Variants in DEPDC1B observed in about 807,000 individuals in gnomAD.
DEPDC1B encodes DEP domain containing 1B.
In DEPDC1B, 51 loss-of-function variants were observed where a neutral mutation model predicts 66.5. That is an observed-to-expected ratio of 0.77 (90% CI 0.61 to 0.97). DEPDC1B has a LOEUF of 0.97. Ranked by LOEUF, DEPDC1B falls within the 50% of genes least tolerant of loss-of-function variation. The pLI is 0.00. For missense variants in DEPDC1B, 552 were observed against 637.1 expected, an observed-to-expected ratio of 0.87 and a Z score of 1.44; for synonymous variants, 226 against 223.6, an observed-to-expected ratio of 1.01 and a Z score of -0.10.
intron 3 of DEPDC1B, among the ~76,000 whole-genome samples, chr5:60,646,470 T>A (rs893103982): frequency 2.6e-5 from 4 of 152,162 alleles, no homozygotes; most frequent in Non-Finnish European, 4.4e-5. Flanking sequence ...AGAAACCTGC[T>A]CAGTCTGAAC....
chr5:60,666,104 G>A (rs558301843), intron 2 of DEPDC1B, among the ~76,000 whole-genome samples: 4 of 152,158 alleles, frequency 2.6e-5, no homozygotes, highest in Admixed American at 6.5e-5. Context: ...TGCCACTGTC[G>A]CAGACTCGCC....
chr5:60,598,695 T>G (rs1752143652), intron 10 of DEPDC1B, among the ~76,000 whole-genome samples: 1 of 152,182 alleles, frequency 6.6e-6, no homozygotes, highest in Non-Finnish European at 1.5e-5. Flanking sequence ...TCTAAACATT[T>G]TACACCTGTG....
intron 2 of DEPDC1B, among the ~76,000 whole-genome samples, chr5:60,679,460 G>A (rs559010166): frequency 6.6e-6 from 1 of 151,796 alleles, no homozygotes; most frequent in East Asian, 1.9e-4. Flanking sequence ...AAGCAAGAAA[G>A]TATGAGAGAA....
intron 9 of DEPDC1B, among the ~76,000 whole-genome samples, chr5:60,602,187 G>A (rs1156273549): frequency 1.3e-5 from 2 of 150,962 alleles, no homozygotes; most frequent in Non-Finnish European, 1.5e-5. Flanking sequence ...AGGGAGGGTG[G>A]GGAGGGAAGA....
At chr5:60,616,496 C>A (rs887396687) in intron 7 of DEPDC1B, among the ~76,000 whole-genome samples, 4 of 152,174 alleles carry the variant, frequency 2.6e-5, no homozygotes, top group African/African-American at 9.7e-5. Flanking sequence ...ATGATGAATG[C>A]ACAAGCCTCA....
chr5:60,650,323 T>G (rs1335202189), intron 2 of DEPDC1B, among the ~76,000 whole-genome samples: 1 of 152,170 alleles, frequency 6.6e-6, no homozygotes, highest in East Asian at 1.9e-4. Flanking sequence ...GCTAACATAA[T>G]ACGGCAATAC....
At chr5:60,639,276 C>T (rs548998789) in intron 6 of DEPDC1B, among the ~76,000 whole-genome samples, 52 of 151,930 alleles carry the variant, frequency 3.4e-4, no homozygotes, top group African/African-American at 1.2e-3. Flanking sequence ...TAAAGTTGAC[C>T]GAGATAACAA....
chr5:60,670,239 C>T (rs7729563), intron 2 of DEPDC1B, among the ~76,000 whole-genome samples: 183 of 152,214 alleles, frequency 1.2e-3, no homozygotes, highest in African/African-American at 4.2e-3. Flanking sequence ...AAAAAATTAG[C>T]CGGGCGTGGT....
chr5:60,664,638 CT>C (rs1753797181), intron 2 of DEPDC1B, among the ~76,000 whole-genome samples: 1 of 152,258 alleles, frequency 6.6e-6, no homozygotes, highest in Non-Finnish European at 1.5e-5. Flanking sequence ...AACTTGTGTA[CT>C]GATGGAAGCT....
chr5:60,638,621 G>T, intron 7 of DEPDC1B, 129 bp downstream of exon 7: 1 of 945,834 alleles, frequency 1.1e-6, no homozygotes. Context: ...CTCTAGCTAT[G>T]CCAAATACTC....
chr5:60,614,208 T>C (rs1752485161), intron 7 of DEPDC1B, among the ~76,000 whole-genome samples: 1 of 152,172 alleles, frequency 6.6e-6, no homozygotes, highest in South Asian at 2.1e-4. Context: ...TGAGCCTTGA[T>C]TTTATCTTTT....
intron 2 of DEPDC1B, among the ~76,000 whole-genome samples, chr5:60,673,409 A>T (rs1343178986): frequency 6.6e-6 from 1 of 152,164 alleles, no homozygotes; most frequent in Non-Finnish European, 1.5e-5. Context: ...GAGGAGGAGG[A>T]GCGGGGGGCA....
At chr5:60,647,291 T>C in intron 3 of DEPDC1B, 107 bp downstream of exon 3, 1 of 1,385,196 alleles carries the variant, frequency 7.2e-7, no homozygotes, top group East Asian at 2.6e-5. Flanking sequence ...TGTTTTAAAG[T>C]ACCTTTAAAT....
At chr5:60,667,564 TA>T (rs1056622206) in intron 2 of DEPDC1B, among the ~76,000 whole-genome samples, 3 of 144,664 alleles carry the variant, frequency 2.1e-5, no homozygotes, top group African/African-American at 5.0e-5. Context: ...TTTACATATA[TA>T]AAAAAGTGGA....
rs765610588 is a variant in DEPDC1B, at chr5:60,700,029, C to T, written c.48+17G>A. On this transcript the variant is annotated intron_variant, in intron 1 of 10. Transcript: ENST00000265036. ...CGGCACCGGGTGCTCCGCCCAGGCC[C>T]CAGCACACTCACTCACCAGCCTGGT... 8.4e-6 allele frequency: 13 copies of T among 1,551,872 alleles called. No individual in the cohort carries two copies. In the South Asian group the frequency reaches 9.5e-5, roughly 11 times the overall value.
intron 2 of DEPDC1B, among the ~76,000 whole-genome samples, chr5:60,675,008 C>T (rs1272933927): frequency 1.3e-5 from 2 of 152,172 alleles, no homozygotes; most frequent in Non-Finnish European, 2.9e-5. Context: ...CTCCTGCAGT[C>T]CACCACGTCT....
chr5:60,682,065 A>T (rs1754307432), intron 2 of DEPDC1B, among the ~76,000 whole-genome samples: 1 of 152,188 alleles, frequency 6.6e-6, no homozygotes, highest in South Asian at 2.1e-4. Context: ...ATTTGAAGAC[A>T]GGTCTTTTGA....
At position 60,597,924 on chromosome 5, in the gene DEPDC1B, T is replaced by C. The variant is rs766535102; in HGVS notation, c.1429-10A>G. ...GATAGGATTTCTGAAACTAAAAAAATGAATGGTCCAAGAAGAGTAAAAAAA... is the reference window on the plus strand; with the variant it reads ...GATAGGATTTCTGAAACTAAAAAAACGAATGGTCCAAGAAGAGTAAAAAAA... On this transcript the variant is annotated splice_polypyrimidine_tract_variant and intron_variant, in intron 10 of 10. Transcript: ENST00000265036. 1.9e-6 allele frequency: 3 copies of C among 1,589,880 alleles called. No homozygotes were observed. Among genetic ancestry groups the C allele is most frequent in the South Asian group, 1.2e-5 (1 of 86,528 alleles).
At position 60,599,298 on chromosome 5, in the gene DEPDC1B, AT is replaced by A. The variant is rs745724915; in HGVS notation, c.1243-39del. 3.1e-5 allele frequency: 45 copies of A among 1,459,330 alleles called. 1 individual carries two copies. The Admixed American group carries it at 3.7e-4, about 12-fold the overall frequency. The allele number at this position is 1,459,330 out of a possible 1,614,324, so 90.4% of individuals were successfully genotyped here. A position where few individuals can be genotyped will look rare whatever the true frequency, so the allele number is the denominator to read the frequency against. ...GATTAGTAGTGAAAGAATATAGCAT[AT>A]TTTCAAATAAATTATAAGAATTAGT... On this transcript the variant is annotated intron_variant, in intron 9 of 10. Coordinates refer to ENST00000265036, the MANE Select transcript of DEPDC1B (RefSeq NM_018369.3).
Sources: allele counts gnomAD v4.1 joint callset (sites outside exome capture counted in the v4.1 genomes callset), GRCh38; gene constraint gnomAD v4.1.1; transcripts MANE v1.5; gene names NCBI Gene and HGNC (gene_info 2026-07-23, HGNC 2026-07-21).